The following SCG5 variants were observed in gnomAD, a reference collection of about 807,000 sequenced individuals.
The protein encoded by SCG5 is neuroendocrine protein 7B2.
A neutral mutation model predicts 25.7 loss-of-function variants in SCG5; 18 were observed. The ratio of observed to expected loss-of-function variants is 0.70; its 90% confidence interval spans 0.48 to 1.04. The LOEUF is 1.04. SCG5 is among the 50% of genes least tolerant of loss of function. The pLI, the probability that SCG5 is intolerant of heterozygous loss-of-function variation, is 0.00. For synonymous variants in SCG5, 101 were observed against 91.7 expected, an observed-to-expected ratio of 1.10 and a Z score of -0.58; for missense variants, 206 against 259.8, an observed-to-expected ratio of 0.79 and a Z score of 1.42.
intron 2 of SCG5, among the ~76,000 whole-genome samples, chr15:32,667,919 C>G (rs1407224688): frequency 2.0e-5 from 3 of 152,210 alleles, no homozygotes; most frequent in African/African-American, 7.2e-5. Context: ...AAGTGATCCA[C>G]CCGCTTCGGC....
At chr15:32,681,973 A>T (rs1215292959) in intron 3 of SCG5, among the ~76,000 whole-genome samples, 1 of 152,142 alleles carries the variant, frequency 6.6e-6, no homozygotes, top group Non-Finnish European at 1.5e-5. Context: ...AAGGCAGGAA[A>T]ACCTGAATCC....
chr15:32,657,418 T>C (rs996467648), intron 2 of SCG5, among the ~76,000 whole-genome samples: 1 of 151,300 alleles, frequency 6.6e-6, no homozygotes, highest in Admixed American at 6.6e-5. Context: ...GTAATGAGGA[T>C]GGATGCTTTC....
At chr15:32,651,241 T>C (rs2054027287) in intron 2 of SCG5, among the ~76,000 whole-genome samples, 2 of 152,184 alleles carry the variant, frequency 1.3e-5, no homozygotes, top group Admixed American at 6.5e-5. Flanking sequence ...TTTATAACAC[T>C]GACTGTTGGA....
At chr15:32,686,628 G>A (rs116562052) in intron 4 of SCG5, among the ~76,000 whole-genome samples, 75 of 151,868 alleles carry the variant, frequency 4.9e-4, no homozygotes, top group African/African-American at 1.8e-3. Context: ...AGTAGATTGC[G>A]GAGGAGTACT....
intron 5 of SCG5, among the ~76,000 whole-genome samples, chr15:32,696,275 G>A (rs1006981923): frequency 3.9e-5 from 6 of 151,992 alleles, no homozygotes; most frequent in African/African-American, 9.7e-5. Flanking sequence ...CCACCACCAC[G>A]CCCGGCTAAT....
At chr15:32,651,018 T>C (rs1179731779) in intron 2 of SCG5, among the ~76,000 whole-genome samples, 3 of 152,186 alleles carry the variant, frequency 2.0e-5, no homozygotes, top group South Asian at 2.1e-4. Flanking sequence ...GCTAACATGG[T>C]GAAACCCCGT....
At chr15:32,675,046 G>C (rs1595810058) in intron 2 of SCG5, among the ~76,000 whole-genome samples, 1 of 152,182 alleles carries the variant, frequency 6.6e-6, no homozygotes, top group East Asian at 1.9e-4. Flanking sequence ...GAAATAAACA[G>C]CTGCATGGTA....
chr15:32,661,204 G>C (rs1163483694), intron 2 of SCG5, among the ~76,000 whole-genome samples: 1 of 152,226 alleles, frequency 6.6e-6, no homozygotes, highest in Admixed American at 6.5e-5. Flanking sequence ...ATTCAAGTCA[G>C]AGCAGGGTTT....
At chr15:32,643,941 G>A (rs980773526) in intron 2 of SCG5, 123 bp downstream of exon 2, 3 of 816,080 alleles carry the variant, frequency 3.7e-6, no homozygotes, top group African/African-American at 1.7e-5. Flanking sequence ...AGAGGAGGAA[G>A]CTAATTTTTA....
intron 2 of SCG5, among the ~76,000 whole-genome samples, chr15:32,678,914 G>A (rs2054570398): frequency 6.6e-6 from 1 of 152,182 alleles, no homozygotes; most frequent in South Asian, 2.1e-4. Context: ...TATATACTTA[G>A]TATAAAAAGA....
At chr15:32,688,243 C>G (rs140751293) in intron 4 of SCG5, among the ~76,000 whole-genome samples, 2,410 of 152,324 alleles carry the variant, frequency 0.016, 26 homozygotes, top group South Asian at 0.023. Flanking sequence ...CAGTGGTGAC[C>G]ACACCAATGG....
chr15:32,651,060 A>G (rs578140847), intron 2 of SCG5, among the ~76,000 whole-genome samples: 8 of 152,170 alleles, frequency 5.3e-5, no homozygotes, highest in South Asian at 2.1e-4. Context: ...TTAGCTGGGC[A>G]TGGTGGCACG....
At chr15:32,685,493 G>A (rs569856631) in intron 4 of SCG5, among the ~76,000 whole-genome samples, 231 of 152,336 alleles carry the variant, frequency 1.5e-3, no homozygotes, top group African/African-American at 5.3e-3. Context: ...TGTAAATAGG[G>A]AGGGAGATTT....
At chr15:32,674,533 A>G (rs2054497974) in intron 2 of SCG5, among the ~76,000 whole-genome samples, 2 of 152,230 alleles carry the variant, frequency 1.3e-5, no homozygotes, top group African/African-American at 2.4e-5. Context: ...CTTCAAAATC[A>G]TAGAGACAGG....
intron 2 of SCG5, among the ~76,000 whole-genome samples, chr15:32,663,038 T>C (rs1225203530): frequency 8.5e-5 from 1 of 11,790 alleles, no homozygotes; most frequent in East Asian, 2.5e-3. Context: ...AAAGAATATA[T>C]ATATATATAT....
chr15:32,648,787 A>G (rs1448371312), intron 2 of SCG5, among the ~76,000 whole-genome samples: 1 of 147,272 alleles, frequency 6.8e-6, no homozygotes. Flanking sequence ...TTTTTTTAAA[A>G]AAAAAACAGA....
Position 32,654,588 on chromosome 15 carries a change from G to A in SCG5, c.226+10770G>A, listed in dbSNP as rs116562046. On this transcript the variant is annotated intron_variant, in intron 2 of 5. Coordinates refer to ENST00000300175, the MANE Select transcript of SCG5 (RefSeq NM_001144757.3). Reference sequence around the variant, plus strand: ...AGAAAGTGTTAAACCTTGACCACAAGGTTTATCCTTAAGGATGATCCTCAC... The same window carrying A: ...AGAAAGTGTTAAACCTTGACCACAAAGTTTATCCTTAAGGATGATCCTCAC... 5.7e-3 allele frequency among the ~76,000 whole-genome samples: 869 copies of A among 152,232 alleles called. 5 individuals carry two copies. The highest frequency in any genetic ancestry group is 0.014 in the South Asian group (68 of 4,814).
chr15:32,670,928 C>T (rs1014967335), intron 2 of SCG5, among the ~76,000 whole-genome samples: 3 of 152,204 alleles, frequency 2.0e-5, no homozygotes, highest in South Asian at 2.1e-4. Context: ...TCATTAATTT[C>T]GGCTCTGTTA....
At chr15:32,657,344 C>T (rs1204585356) in intron 2 of SCG5, among the ~76,000 whole-genome samples, 2 of 150,194 alleles carry the variant, frequency 1.3e-5, no homozygotes, top group East Asian at 3.9e-4. Context: ...AATCAGTTTC[C>T]CACCTGGCCT....
Sources: gnomAD v4.1 joint callset for allele counts (sites outside exome capture counted in the v4.1 genomes callset) on GRCh38, gnomAD v4.1.1 for gene constraint, MANE v1.5 for transcripts, NCBI Gene and HGNC (gene_info 2026-07-23, HGNC 2026-07-21) for gene names.